The following ACTA2 variants were observed in gnomAD, a reference collection of about 807,000 sequenced individuals.
ACTA2 encodes the protein actin alpha 2, smooth muscle.
Under a neutral mutation model 39.5 loss-of-function variants are expected in ACTA2, and 12 were observed. The ratio of observed to expected loss-of-function variants is 0.30; its 90% confidence interval spans 0.19 to 0.49. The LOEUF (loss-of-function observed/expected upper bound fraction) is 0.49. ACTA2 is among the 20% of genes least tolerant of loss of function. The pLI is 0.99. For synonymous variants in ACTA2, 158 were observed against 180.6 expected (o/e 0.88, Z 1.00); for missense variants, 236 against 498.8 (o/e 0.47, Z 5.02).
intron 1 of ACTA2, among the ~76,000 whole-genome samples, chr10:88,949,697 G>A (rs1303388721): frequency 2.0e-5 from 3 of 152,160 alleles, no homozygotes; most frequent in African/African-American, 7.2e-5. Context: ...AAAAGGTAGA[G>A]TAAGAGGATA....
At chr10:88,981,082 C>CCAAGTGCGAGGA (rs1846699598) in intron 1 of ACTA2, among the ~76,000 whole-genome samples, 1 of 152,172 alleles carries the variant, frequency 6.6e-6, no homozygotes, top group Non-Finnish European at 1.5e-5. Flanking sequence ...GCGAGGAAGT[C>CCAAGTGCGAGGA]AGCACAAGCA....
intron 7 of ACTA2, 144 bp downstream of exon 7, chr10:88,939,363 A>G (rs994154804): frequency 1.8e-6 from 2 of 1,088,124 alleles, no homozygotes; most frequent in South Asian, 2.5e-5. Flanking sequence ...TCTCGCCTTG[A>G]AAATGTGGCA....
intron 1 of ACTA2, among the ~76,000 whole-genome samples, chr10:88,975,381 T>G (rs1846539111): frequency 6.6e-6 from 1 of 152,238 alleles, no homozygotes; most frequent in African/African-American, 2.4e-5. Flanking sequence ...ACAATAGTAC[T>G]GTCATACTTT....
At chr10:88,968,878 T>C (rs1846370850) in intron 1 of ACTA2, among the ~76,000 whole-genome samples, 1 of 152,190 alleles carries the variant, frequency 6.6e-6, no homozygotes, top group South Asian at 2.1e-4. Flanking sequence ...GGAAAGTAGA[T>C]GTGGAGGATC....
intron 1 of ACTA2, among the ~76,000 whole-genome samples, chr10:88,964,108 G>A (rs1846281089): frequency 6.6e-6 from 1 of 151,144 alleles, no homozygotes; most frequent in Admixed American, 6.6e-5. Context: ...GTTTACTTTA[G>A]TTTCATATAT....
intron 1 of ACTA2, chr10:88,973,060 TTG>T (rs1846485646): frequency 6.2e-6 from 7 of 1,132,006 alleles, no homozygotes; most frequent in Admixed American, 2.6e-5. Flanking sequence ...AAAGCTAACC[TTG>T]TAAGTACTTA....
In ACTA2 at chr10:88,961,843, T is replaced by A. The variant is rs118191500; in HGVS notation, c.-23-12890A>T. On this transcript the variant is annotated intron_variant, in intron 1 of 4. Transcript: ENST00000415557. ...AAAGGTACTAGGCTTTATTATTCAG[T>A]GAAAATCACAAACCTTAGTGTTTAC... 3.0e-3 allele frequency among the ~76,000 whole-genome samples: 463 copies of A among 152,282 alleles called. 5 individuals carry two copies. The highest frequency in any genetic ancestry group is 0.011 in the African/African-American group (438 of 41,578).
intron 1 of ACTA2, among the ~76,000 whole-genome samples, chr10:88,988,368 G>C (rs73368839): frequency 6.7e-6 from 1 of 150,224 alleles, no homozygotes; most frequent in Non-Finnish European, 1.5e-5. Flanking sequence ...TAAACATTAG[G>C]ACCAAAGGGG....
chr10:88,939,729 CATT>C (rs1845813708), intron 6 of ACTA2, 31 bp from the exon 7 acceptor site: 8 of 1,612,594 alleles, frequency 5.0e-6, no homozygotes, highest in Non-Finnish European at 6.8e-6. Context: ...TTGTGGCAAA[CATT>C]AGGGTCTGCA....
chr10:88,976,690 TA>T (rs1196600061), intron 1 of ACTA2, among the ~76,000 whole-genome samples: 1 of 152,250 alleles, frequency 6.6e-6, no homozygotes, highest in Non-Finnish European at 1.5e-5. Flanking sequence ...CAGATGATTA[TA>T]ATTTTAAATT....
chr10:88,967,882 A>G (rs1470586357), intron 1 of ACTA2, among the ~76,000 whole-genome samples: 1 of 152,234 alleles, frequency 6.6e-6, no homozygotes, highest in African/African-American at 2.4e-5. Flanking sequence ...AACTACTTGA[A>G]ATAAATATGA....
At chr10:88,989,382 T>C (rs1202269845) in intron 1 of ACTA2, 2 of 396,630 alleles carry the variant, frequency 5.0e-6, no homozygotes, top group Non-Finnish European at 1.0e-5. Context: ...TTTGGAATAG[T>C]TTTAGGATTT....
intron 1 of ACTA2, among the ~76,000 whole-genome samples, chr10:88,976,307 G>A (rs540095847): frequency 8.5e-5 from 13 of 152,306 alleles, no homozygotes; most frequent in African/African-American, 2.9e-4. Flanking sequence ...CCCACGGGCC[G>A]TGGGTTGGAC....
chr10:88,935,413 GC>G (rs1218845862), intron 8 of ACTA2, 47 bp from the exon 9 acceptor site: 1 of 1,605,492 alleles, frequency 6.2e-7, no homozygotes, highest in East Asian at 2.2e-5. Flanking sequence ...CATCATTAGT[GC>G]AGTCGTTAGT....
chr10:88,937,828 A>C (rs1381199815), intron 8 of ACTA2, among the ~76,000 whole-genome samples: 1 of 152,202 alleles, frequency 6.6e-6, no homozygotes, highest in African/African-American at 2.4e-5. Context: ...CAGCTACTGA[A>C]AGTAGCTGAC....
chr10:88,943,820 C>T lies in ACTA2; in HGVS notation c.346G>A (p.Ala116Thr). The stretch of plus-strand genomic sequence containing the variant: ...ACTTGAGTCATTTTCTCCCGGTTGG[C>T]CTTGGGGTTCAGGGGTGCCTCCGTG... ...LLTEAPLNPKANREKMTQIMF... is the reference protein window; with the variant it reads ...LLTEAPLNPKTNREKMTQIMF... The change falls in exon 4 of 9, where the codon GCC becomes ACC. Residue 116 changes from alanine (A) to threonine (T), a missense_variant. Coordinates refer to ENST00000224784, the MANE Select transcript of ACTA2 (RefSeq NM_001613.4). The T allele has an allele frequency of 1.2e-6, 2 of 1,613,960 alleles. No homozygotes were observed. The highest frequency in any genetic ancestry group is 1.7e-6 in the Non-Finnish European group (2 of 1,179,906).
chr10:88,951,118 C>A (rs1414662461), intron 1 of ACTA2, among the ~76,000 whole-genome samples: 2 of 152,048 alleles, frequency 1.3e-5, no homozygotes, highest in African/African-American at 4.8e-5. Context: ...ATTATTTTGG[C>A]ATTCCTGTGA....
chr10:88,948,213 A>T (rs1845988145), intron 2 of ACTA2: 1 of 161,404 alleles, frequency 6.2e-6, no homozygotes, highest in Non-Finnish European at 1.4e-5. Context: ...CATAAACATC[A>T]ATCAGATAGC....
chr10:88,955,946 T>G (rs572377254), upstream of ACTA2, among the ~76,000 whole-genome samples: 9 of 152,248 alleles, frequency 5.9e-5, no homozygotes, highest in South Asian at 1.9e-3. Flanking sequence ...TCATGCCTTA[T>G]CACAAGGTGG....
Sources: gnomAD v4.1 joint callset for allele counts (sites outside exome capture counted in the v4.1 genomes callset) on GRCh38, gnomAD v4.1.1 for gene constraint, MANE v1.5 for transcripts, NCBI Gene and HGNC (gene_info 2026-07-23, HGNC 2026-07-21) for gene names.